The following TOR1AIP1 variants were observed in gnomAD, a reference collection of about 807,000 sequenced individuals.
TOR1AIP1 encodes torsin-1A-interacting protein 1.
A neutral mutation model predicts 63.3 loss-of-function variants in TOR1AIP1; 54 were observed. That is an observed-to-expected ratio of 0.85 (90% CI 0.69 to 1.07). The LOEUF (loss-of-function observed/expected upper bound fraction) is 1.07, where lower values mean the gene tolerates loss of function less well. TOR1AIP1 is among the 50% of genes least tolerant of loss of function. The probability of loss-of-function intolerance (pLI) is 0.00; values close to 1 mark genes in which losing one functional copy is unlikely to be tolerated. For synonymous variants in TOR1AIP1, 294 were observed against 273.5 expected (o/e 1.07, Z -0.74); for missense variants, 736 against 715.0 (o/e 1.03, Z -0.33).
intron 3 of TOR1AIP1, among the ~76,000 whole-genome samples, chr1:179,897,917 G>C (rs745904660): frequency 6.6e-6 from 1 of 151,936 alleles, no homozygotes; most frequent in Non-Finnish European, 1.5e-5. Flanking sequence ...GGGCAACATG[G>C]CAAACAAAAC....
intron 6 of TOR1AIP1, among the ~76,000 whole-genome samples, 177 bp from the exon 7 acceptor site, chr1:179,907,642 ATATG>A (rs917783073): frequency 7.1e-6 from 1 of 140,622 alleles, no homozygotes; most frequent in African/African-American, 2.6e-5. Flanking sequence ...TATATATAGT[ATATG>A]TATGTTTTTT....
In TOR1AIP1 at chr1:179,882,884, A is replaced by T. The variant is rs769442684; in HGVS notation, c.382A>T (p.Thr128Ser). 6.2e-7 allele frequency: 1 copy of T among 1,613,938 alleles called. No homozygotes were observed. Among genetic ancestry groups the T allele is most frequent in the South Asian group, 1.1e-5 (1 of 91,074 alleles). ...ETEEMKTRRT[T>S]RLQQQHSEQP... ...CGAGGAAATGAAGACGCGAAGGACT[A>T]CCCGCCTTCAGCAGCAGCACTCAGA... Residue 128 changes from threonine (T) to serine (S), a missense_variant, in exon 1 of 10, where the codon ACC becomes TCC. By Grantham distance (58) the Thr-to-Ser change is moderately conservative (BLOSUM62 1). This residue lies in a region of TOR1AIP1 where 464 missense variants were observed against 371.0 expected (regional missense o/e 1.25). Coordinates refer to ENST00000606911, the MANE Select transcript of TOR1AIP1 (RefSeq NM_015602.4).
At chr1:179,891,047 C>T (rs1175844810) in intron 3 of TOR1AIP1, among the ~76,000 whole-genome samples, 1 of 152,184 alleles carries the variant, frequency 6.6e-6, no homozygotes, top group African/African-American at 2.4e-5. Context: ...GTCCCTATGA[C>T]TAGGACCTCC....
In TOR1AIP1 at chr1:179,918,350, A is replaced by C. The variant is rs1211199304; in HGVS notation, c.*111A>C. 1.0e-6 allele frequency: 1 copy of C among 986,248 alleles called. No individual in the cohort carries two copies. The highest frequency in any genetic ancestry group is 1.5e-6 in the Non-Finnish European group (1 of 688,364). The allele number at this position is 986,248 out of a possible 1,614,324, so 61.1% of individuals were successfully genotyped here. A position where few individuals can be genotyped will look rare whatever the true frequency, so the allele number is the denominator to read the frequency against. ...GAAAGAACTAGTTTCTTTTTAAAGA[A>C]GTTAAGTGCTTACATAAACATGGAA... On this transcript the variant is annotated 3_prime_UTR_variant, in exon 10 of 10. Coordinates refer to ENST00000606911, the MANE Select transcript of TOR1AIP1 (RefSeq NM_015602.4).
intron 1 of TOR1AIP1, 88 bp from the exon 2 acceptor site, chr1:179,884,604 A>T: frequency 9.0e-7 from 1 of 1,109,046 alleles, no homozygotes; most frequent in South Asian, 1.6e-5. Context: ...ATTTTTGCTT[A>T]TGTATTGTTA....
At position 179,900,109 on chromosome 1, in the gene TOR1AIP1, A is replaced by G. The variant is rs1461099412; in HGVS notation, c.611-17A>G. ...ATGTTATATGTTTAATATTTGATGT[A>G]TGCTTTTTTCTTCTAGAAGCCACCA... On this transcript the variant is annotated splice_polypyrimidine_tract_variant and intron_variant, in intron 3 of 9. Transcript: ENST00000606911. 3 of 1,596,488 alleles carry G rather than the reference A, an allele frequency of 1.9e-6. No homozygotes were observed. In the South Asian group the frequency reaches 3.3e-5, roughly 18 times the overall value.
chr1:179,892,785 TA>T (rs1648138599), intron 3 of TOR1AIP1, among the ~76,000 whole-genome samples: 3 of 150,406 alleles, frequency 2.0e-5, no homozygotes, highest in African/African-American at 7.3e-5. Context: ...GGAACTGAAA[TA>T]ACCTAACACT....
chr1:179,890,912 G>A (rs988589440), intron 3 of TOR1AIP1, among the ~76,000 whole-genome samples: 3 of 152,102 alleles, frequency 2.0e-5, no homozygotes, highest in African/African-American at 4.8e-5. Context: ...GCACAACTGC[G>A]CCCAACCCTA....
chr1:179,900,586 G>T (rs1648427104), intron 4 of TOR1AIP1: 1 of 151,244 alleles, frequency 6.6e-6, no homozygotes, highest in Non-Finnish European at 1.5e-5. Context: ...AAAACAAAAA[G>T]AAGTTAGAAC....
rs1647860401 is a variant in TOR1AIP1, at chr1:179,884,683, G to GT, written c.476-3dup. 2 of 1,602,372 alleles carry GT rather than the reference G, an allele frequency of 1.2e-6. No homozygotes were observed. Among genetic ancestry groups the GT allele is most frequent in the Non-Finnish European group, 8.5e-7 (1 of 1,175,524 alleles). On this transcript the variant is annotated splice_polypyrimidine_tract_variant and intron_variant, in intron 1 of 9. Coordinates refer to ENST00000606911, the MANE Select transcript of TOR1AIP1 (RefSeq NM_015602.4). Reference sequence around the variant, plus strand: ...CTGAATTTTAACTCTTGTTATGTCTGTTTTTTAGAGGATGAAGCATCTTCC... The same window carrying GT: ...CTGAATTTTAACTCTTGTTATGTCTGTTTTTTTAGAGGATGAAGCATCTTCC...
chr1:179,887,966 G>A (rs1647957997), intron 2 of TOR1AIP1: 1 of 152,136 alleles, frequency 6.6e-6, no homozygotes, highest in Admixed American at 6.6e-5. Flanking sequence ...AAGGGTACTT[G>A]ATATTTTGTT....
intron 3 of TOR1AIP1, 24 bp downstream of exon 3, chr1:179,889,393 T>C: frequency 6.3e-7 from 1 of 1,578,902 alleles, no homozygotes; most frequent in Non-Finnish European, 8.7e-7. Context: ...TGTCTGTTGG[T>C]TTACCTTTGT....
At chr1:179,909,266 A>G (rs1361125439) in intron 8 of TOR1AIP1, among the ~76,000 whole-genome samples, 2 of 152,214 alleles carry the variant, frequency 1.3e-5, no homozygotes, top group Non-Finnish European at 2.9e-5. Context: ...TACTCTTTTG[A>G]CAATACTTAT....
chr1:179,889,622 A>C (rs1648004555), intron 3 of TOR1AIP1, among the ~76,000 whole-genome samples: 2 of 151,566 alleles, frequency 1.3e-5, no homozygotes, highest in Non-Finnish European at 2.9e-5. Flanking sequence ...TTATAATACA[A>C]ATTTTGGCTT....
chr1:179,896,604 C>T (rs1416289502), intron 3 of TOR1AIP1, among the ~76,000 whole-genome samples: 1 of 151,696 alleles, frequency 6.6e-6, no homozygotes, highest in Non-Finnish European at 1.5e-5. Context: ...AGACGAGAAG[C>T]ACCCTACTCA....
At chr1:179,900,196 T>C (rs746253295) in intron 4 of TOR1AIP1, 29 bp downstream of exon 4, 30 of 1,463,858 alleles carry the variant, frequency 2.0e-5, no homozygotes, top group Admixed American at 1.4e-4. Flanking sequence ...TCATATAATA[T>C]ATACTTTAAG....
At chr1:179,901,105 GACACAA>G (rs1429480656) in intron 4 of TOR1AIP1, among the ~76,000 whole-genome samples, 191 bp from the exon 5 acceptor site, 1 of 152,138 alleles carries the variant, frequency 6.6e-6, no homozygotes, top group Non-Finnish European at 1.5e-5. Flanking sequence ...TGCCCCAGAG[GACACAA>G]ATTGAGATAA....
At position 179,888,423 on chromosome 1, in the gene TOR1AIP1, A is replaced by G. The variant is rs149453868; in HGVS notation, c.554-890A>G. 9.9e-5 allele frequency among the ~76,000 whole-genome samples: 15 copies of G among 152,256 alleles called. No individual in the cohort carries two copies. In the East Asian group the frequency reaches 2.5e-3, roughly 25 times the overall value. ...CAAATAGCTGGGATTACAGGCACAC[A>G]CCACTATGCCCAGACAGGGTCTCAG... On this transcript the variant is annotated intron_variant, in intron 2 of 9. Transcript: ENST00000606911.
chr1:179,889,432 G>T (rs2148471829), intron 3 of TOR1AIP1, 63 bp downstream of exon 3: 1 of 1,367,590 alleles, frequency 7.3e-7, no homozygotes, highest in Non-Finnish European at 1.0e-6. Flanking sequence ...TTTAAATATG[G>T]TTGTACATGT....
Sources: allele counts gnomAD v4.1 joint callset (sites outside exome capture counted in the v4.1 genomes callset), GRCh38; gene constraint gnomAD v4.1.1; regional missense constraint gnomAD v4.1.1; transcripts MANE v1.5; gene names NCBI Gene and HGNC (gene_info 2026-07-23, HGNC 2026-07-21).